Variants in EIF2AK4 observed in about 807,000 individuals in gnomAD.
The protein encoded by EIF2AK4 is eIF-2-alpha kinase GCN2.
EIF2AK4 carries 139 observed loss-of-function variants against 211.1 expected under a neutral mutation model. That is an observed-to-expected ratio of 0.66 (90% CI 0.57 to 0.76). The LOEUF (loss-of-function observed/expected upper bound fraction) is 0.76, where lower values mean the gene tolerates loss of function less well. Among genes scored for constraint, EIF2AK4 ranks in the 30% least tolerant of loss-of-function variants. The pLI, the probability that EIF2AK4 is intolerant of heterozygous loss-of-function variation, is 0.00. For missense variants in EIF2AK4, 1,664 were observed against 2,043.8 expected (o/e 0.81, Z 3.58); for synonymous variants, 710 against 751.3 (o/e 0.94, Z 0.90).
At chr15:40,032,269 G>A (rs767788640) in intron 36 of EIF2AK4, 32 bp downstream of exon 36, 2 of 1,596,044 alleles carry the variant, frequency 1.3e-6, no homozygotes, top group South Asian at 1.1e-5. Flanking sequence ...TTTGAAGGTG[G>A]CTTCTGTCCA....
In EIF2AK4 at chr15:39,943,464, G is replaced by T; in HGVS notation, c.339G>T (p.Leu113=). 6.3e-7 allele frequency: 1 copy of T among 1,583,058 alleles called. No homozygotes were observed. ...VNLLKSRLEE[L]AKKHCGEVMI... ...TGTTAAAATCTCGCCTAGAAGAACT[G>T]GCCAAGAAACACTGTGGGGAGGTAA... Residue 113 remains leucine, a synonymous_variant, in exon 3 of 39, where the codon CTG becomes CTT. Transcript: ENST00000263791.
chr15:40,007,138 T>A (rs969176242), intron 24 of EIF2AK4, 73 bp downstream of exon 24: 3 of 1,296,864 alleles, frequency 2.3e-6, no homozygotes, highest in Non-Finnish European at 3.3e-6. Flanking sequence ...CAGGAAAGAA[T>A]ATTTTATTTC....
chr15:39,954,551 G>A (rs2034363789), intron 5 of EIF2AK4, among the ~76,000 whole-genome samples: 1 of 152,198 alleles, frequency 6.6e-6, no homozygotes, highest in Admixed American at 6.5e-5. Flanking sequence ...ACTGCACCTG[G>A]CCTAGAATTC....
At chr15:40,025,080 TC>T (rs1246391171) in intron 32 of EIF2AK4, among the ~76,000 whole-genome samples, 2 of 152,180 alleles carry the variant, frequency 1.3e-5, no homozygotes, top group Non-Finnish European at 2.9e-5. Context: ...GAATTCGTGG[TC>T]CTGGAAGGGC....
chr15:39,967,350 G>A lies in EIF2AK4; in HGVS notation c.1024G>A (p.Gly342Arg), dbSNP rs1457424396. Residue 342 changes from glycine (G) to arginine (R), a missense_variant, in exon 9 of 39, where the codon GGA becomes AGA. Transcript: ENST00000263791. ...TTTTTTTTTAACTTATCAGATTCAA[G>A]GAACAGAAACAGAATTCAACTCACT... The part of the protein sequence containing the change: ...KIDKCKKQIQ[G>R]TETEFNSLVK... The A allele has an allele frequency of 5.1e-6, 8 of 1,566,266 alleles. No homozygotes were observed. The highest frequency in any genetic ancestry group is 2.8e-5 in the African/African-American group (2 of 71,928).
chr15:40,034,285 C>T (rs764039962), intron 37 of EIF2AK4, 41 bp from the exon 38 acceptor site: 3 of 1,533,932 alleles, frequency 2.0e-6, no homozygotes, highest in East Asian at 4.5e-5. Context: ...GCTAGTAAAC[C>T]CTAGAGACCT....
chr15:40,015,783 T>C (rs997172672), intron 27 of EIF2AK4, among the ~76,000 whole-genome samples: 1 of 152,256 alleles, frequency 6.6e-6, no homozygotes, highest in Non-Finnish European at 1.5e-5. Context: ...GCCTACAGTC[T>C]TAAAATGGCT....
At chr15:39,992,461 G>A (rs368502655) in intron 17 of EIF2AK4, 3 of 531,866 alleles carry the variant, frequency 5.6e-6, no homozygotes, top group East Asian at 3.0e-5. Flanking sequence ...GCTCCCAGGG[G>A]TAGACAGTTT....
chr15:40,009,475 AAAAT>A, intron 25 of EIF2AK4, 135 bp from the exon 26 acceptor site: 1 of 588,200 alleles, frequency 1.7e-6, no homozygotes, highest in Non-Finnish European at 3.0e-6. Context: ...GTATGAAAAA[AAAAT>A]AAACTAGGAA....
chr15:39,938,099 A>G (rs569119970), intron 1 of EIF2AK4, among the ~76,000 whole-genome samples: 155 of 152,282 alleles, frequency 1.0e-3, no homozygotes, highest in Middle Eastern at 3.4e-3. Context: ...CATCTCTTCA[A>G]CGGCACTCTC....
chr15:39,998,273 T>TG (rs1189407896), intron 19 of EIF2AK4, among the ~76,000 whole-genome samples: 11 of 150,260 alleles, frequency 7.3e-5, no homozygotes, highest in African/African-American at 1.5e-4. Flanking sequence ...TTTTTTTGTT[T>TG]TGTTTTTTTT....
rs1199853103 is a variant in EIF2AK4, at chr15:40,030,365, T to G, written c.4568T>G (p.Phe1523Cys). 4.3e-6 allele frequency: 7 copies of G among 1,613,924 alleles called. No individual in the cohort carries two copies. In the African/African-American group the frequency reaches 8.0e-5, roughly 18 times the overall value. ...KGSFSNASGLFEIHGATVVPI... is the reference protein window; with the variant it reads ...KGSFSNASGLCEIHGATVVPI... ...GAAACTCTCTTGGTCTCAGGTTTGTTTGAAATCCATGGAGCAACAGTGGTT... is the reference window on the plus strand; with the variant it reads ...GAAACTCTCTTGGTCTCAGGTTTGTGTGAAATCCATGGAGCAACAGTGGTT... The change falls in exon 35 of 39, where the codon TTT becomes TGT. Residue 1523 changes from phenylalanine (F) to cysteine (C), a missense_variant. Coordinates refer to ENST00000263791, the MANE Select transcript of EIF2AK4 (RefSeq NM_001013703.4).
At chr15:40,024,700 C>T (rs1484376205) in intron 32 of EIF2AK4, among the ~76,000 whole-genome samples, 1 of 140,424 alleles carries the variant, frequency 7.1e-6, no homozygotes, top group Non-Finnish European at 1.5e-5. Context: ...GCCCAGCCTC[C>T]TTTTTTTTTT....
At chr15:39,943,971 A>AAAG (rs59066897) in intron 3 of EIF2AK4, among the ~76,000 whole-genome samples, 21,177 of 151,900 alleles carry the variant, frequency 0.14, 3,372 homozygotes, top group African/African-American at 0.38. Context: ...AAAAAGAAAA[A>AAAG]AAGAAGAAGA....
At chr15:39,971,086 G>A (rs1175437676) in intron 9 of EIF2AK4, among the ~76,000 whole-genome samples, 2 of 152,172 alleles carry the variant, frequency 1.3e-5, no homozygotes, top group South Asian at 2.1e-4. Context: ...TACTACTTGG[G>A]CCGTTGTAAT....
At chr15:39,965,100 A>G (rs1370963518) in intron 7 of EIF2AK4, among the ~76,000 whole-genome samples, 1 of 152,176 alleles carries the variant, frequency 6.6e-6, no homozygotes, top group Admixed American at 6.5e-5. Context: ...ATTGTGCATA[A>G]TGGCTAGTAG....
At chr15:39,946,125 A>G (rs761448040) in intron 3 of EIF2AK4, among the ~76,000 whole-genome samples, 3 of 152,234 alleles carry the variant, frequency 2.0e-5, no homozygotes, top group Non-Finnish European at 4.4e-5. Context: ...AAGTGTTATT[A>G]TTTAAGAAAT....
chr15:40,027,710 G>A (rs1023825232), intron 33 of EIF2AK4, among the ~76,000 whole-genome samples: 9 of 152,150 alleles, frequency 5.9e-5, no homozygotes, highest in African/African-American at 2.2e-4. Context: ...CTAACACGGT[G>A]AAACCCCGTC....
intron 4 of EIF2AK4, chr15:39,951,554 G>T: frequency 3.0e-6 from 1 of 334,880 alleles, no homozygotes. Context: ...TTAAAATCCT[G>T]AGCAATTTCT....
Sources: gnomAD v4.1 joint callset for allele counts (sites outside exome capture counted in the v4.1 genomes callset) on GRCh38, gnomAD v4.1.1 for gene constraint, MANE v1.5 for transcripts, NCBI Gene and HGNC (gene_info 2026-07-23, HGNC 2026-07-21) for gene names.